The following BCKDHB variants were observed in gnomAD, a reference collection of about 807,000 sequenced individuals.
The protein encoded by BCKDHB is branched chain keto acid dehydrogenase E1 subunit beta.
Under a neutral mutation model 48.5 loss-of-function variants are expected in BCKDHB, and 41 were observed. The observed-to-expected ratio is 0.85, with a 90% CI of 0.66 to 1.10. The LOEUF (loss-of-function observed/expected upper bound fraction) is 1.10. Among genes scored for constraint, BCKDHB ranks in the 50% least tolerant of loss-of-function variants. The pLI is 0.00. For synonymous variants in BCKDHB, 201 were observed against 174.8 expected (o/e 1.15, Z -1.18); for missense variants, 496 against 494.2 (o/e 1.00, Z -0.03).
chr6:80,326,863 C>A (rs937844978), intron 9 of BCKDHB, among the ~76,000 whole-genome samples: 1 of 151,894 alleles, frequency 6.6e-6, no homozygotes. Context: ...GAGACTCAGT[C>A]TCAAAAGAAA....
intron 8 of BCKDHB, among the ~76,000 whole-genome samples, chr6:80,241,278 A>G (rs1244403899): frequency 3.9e-5 from 6 of 152,160 alleles, no homozygotes; most frequent in African/African-American, 1.4e-4. Context: ...TTCTCCATCC[A>G]GCTTTGTTCC....
intron 9 of BCKDHB, among the ~76,000 whole-genome samples, chr6:80,323,582 A>G (rs1277327914): frequency 6.6e-6 from 1 of 152,098 alleles, no homozygotes; most frequent in Non-Finnish European, 1.5e-5. Context: ...CCAGTTTTTC[A>G]TACAGTGATT....
chr6:80,244,716 CATATT>C (rs1776535470), intron 8 of BCKDHB, among the ~76,000 whole-genome samples: 1 of 152,056 alleles, frequency 6.6e-6, no homozygotes, highest in African/African-American at 2.4e-5. Context: ...TGACAAAAGT[CATATT>C]ATAATGATTT....
intron 8 of BCKDHB, among the ~76,000 whole-genome samples, chr6:80,233,069 T>C (rs1021311942): frequency 1.3e-5 from 2 of 152,130 alleles, no homozygotes; most frequent in African/African-American, 4.8e-5. Context: ...CTGTGCACAA[T>C]TGACATGTCC....
intron 9 of BCKDHB, among the ~76,000 whole-genome samples, chr6:80,273,832 T>C (rs1777856019): frequency 6.6e-6 from 1 of 152,016 alleles, no homozygotes; most frequent in Admixed American, 6.6e-5. Flanking sequence ...ATACACCTCT[T>C]TCTGGCAAGT....
chr6:80,106,935 C>G (rs202234832), intron 1 of BCKDHB, 46 bp downstream of exon 1: 1 of 1,568,436 alleles, frequency 6.4e-7, no homozygotes, highest in African/African-American at 1.4e-5. Context: ...GCCCGGACTC[C>G]CAGGCTCGCA....
chr6:80,217,974 G>A (rs956123401), intron 8 of BCKDHB, among the ~76,000 whole-genome samples: 9 of 152,284 alleles, frequency 5.9e-5, no homozygotes, highest in Middle Eastern at 3.4e-3. Context: ...CAGAGCAGAT[G>A]GGCCAGCCTG....
At chr6:80,302,518 A>T (rs1195545994) in intron 9 of BCKDHB, among the ~76,000 whole-genome samples, 1 of 152,172 alleles carries the variant, frequency 6.6e-6, no homozygotes, top group Non-Finnish European at 1.5e-5. Context: ...GACATAATCA[A>T]CATGAGACAT....
At chr6:80,407,911 G>A in the BCKDHB span, among the ~76,000 whole-genome samples, 1 of 152,172 alleles carries the variant, frequency 6.6e-6, no homozygotes, top group Admixed American at 6.5e-5. Context: ...AGTGTTGAGA[G>A]AGGGCATCCT....
At chr6:80,411,427 A>G in the BCKDHB span, among the ~76,000 whole-genome samples, 1 of 152,340 alleles carries the variant, frequency 6.6e-6, no homozygotes. Context: ...TCAGGGACCC[A>G]CTTGAGGAGG....
chr6:80,150,556 T>TTC (rs1771723636), intron 3 of BCKDHB, among the ~76,000 whole-genome samples: 1 of 146,946 alleles, frequency 6.8e-6, no homozygotes, highest in South Asian at 2.2e-4. Context: ...TCATCTTTTT[T>TTC]TTTTTTTTTT....
rs893721252 is a variant in BCKDHB at position 80,134,297 on chromosome 6, C to G, written c.343+5068C>G. On this transcript the variant is annotated intron_variant, in intron 3 of 9. Transcript: ENST00000320393. ...TTACTGTATCCATTCCTTTACACCA[C>G]AGGTGTGGCCTGTCATAGCAGCTTG... 5.9e-5 allele frequency among the ~76,000 whole-genome samples: 9 copies of G among 152,298 alleles called. No individual in the cohort carries two copies. In the South Asian group the frequency reaches 1.7e-3, roughly 28 times the overall value.
the BCKDHB span, among the ~76,000 whole-genome samples, chr6:80,443,993 C>T: frequency 6.6e-6 from 1 of 151,670 alleles, no homozygotes; most frequent in African/African-American, 2.4e-5. Context: ...TCCCCTCTAT[C>T]TAGTATTAGA....
chr6:80,350,068 C>T (rs562227587), downstream of BCKDHB, among the ~76,000 whole-genome samples: 86 of 151,542 alleles, frequency 5.7e-4, no homozygotes, highest in African/African-American at 2.0e-3. Flanking sequence ...GTAAAAGCAC[C>T]ATGTTTTCTG....
the BCKDHB span, among the ~76,000 whole-genome samples, chr6:80,434,680 C>T: frequency 6.6e-6 from 1 of 152,124 alleles, no homozygotes; most frequent in Non-Finnish European, 1.5e-5. Flanking sequence ...TTGTTTTCAA[C>T]AGAAGCTGCT....
chr6:80,215,901 C>G (rs1382578271), intron 8 of BCKDHB, among the ~76,000 whole-genome samples: 1 of 152,088 alleles, frequency 6.6e-6, no homozygotes, highest in Non-Finnish European at 1.5e-5. Context: ...ACCACCATGC[C>G]CGTCTAATTT....
chr6:80,169,116 G>A, intron 5 of BCKDHB, 86 bp downstream of exon 5: 1 of 1,513,096 alleles, frequency 6.6e-7, no homozygotes, highest in Non-Finnish European at 9.1e-7. Context: ...TTATCTAGAG[G>A]AAAGAAAACA....
intron 6 of BCKDHB, among the ~76,000 whole-genome samples, chr6:80,184,193 A>G (rs547292222): frequency 5.9e-5 from 9 of 152,292 alleles, no homozygotes; most frequent in South Asian, 2.1e-4. Flanking sequence ...TTTTATCATT[A>G]TGTAATATCC....
intron 1 of BCKDHB, among the ~76,000 whole-genome samples, chr6:80,111,151 C>T (rs1391184751): frequency 1.3e-5 from 2 of 152,318 alleles, no homozygotes; most frequent in African/African-American, 4.8e-5. Flanking sequence ...GCTTTCCTTC[C>T]ATTCCCATAA....
Sources: gnomAD v4.1 joint callset for allele counts (sites outside exome capture counted in the v4.1 genomes callset) on GRCh38, gnomAD v4.1.1 for gene constraint, MANE v1.5 for transcripts, NCBI Gene and HGNC (gene_info 2026-07-23, HGNC 2026-07-21) for gene names.